The following OPCML variants were observed in gnomAD, a reference collection of about 807,000 sequenced individuals.
The protein encoded by OPCML is opioid binding protein/cell adhesion molecule like.
In OPCML, 13 loss-of-function variants were observed where a neutral mutation model predicts 37.8. The observed-to-expected ratio is 0.34, with a 90% CI of 0.22 to 0.55. The LOEUF (loss-of-function observed/expected upper bound fraction) is 0.55, where lower values mean the gene tolerates loss of function less well. OPCML is among the 20% of genes least tolerant of loss of function. OPCML has a pLI of 0.91. For synonymous variants in OPCML, 176 were observed against 168.8 expected (o/e 1.04, Z -0.33); for missense variants, 341 against 435.6 (o/e 0.78, Z 1.93).
chr11:133,117,216 T>C (rs1370794816), intron 1 of OPCML, among the ~76,000 whole-genome samples: 6 of 152,208 alleles, frequency 3.9e-5, no homozygotes, highest in Admixed American at 3.9e-4. Flanking sequence ...CACTTCTTTA[T>C]TTTGTGGACC....
intron 7 of OPCML, among the ~76,000 whole-genome samples, chr11:132,420,910 A>C (rs1015743731): frequency 4.6e-5 from 7 of 152,158 alleles, no homozygotes; most frequent in Non-Finnish European, 1.0e-4. Context: ...AAGGCCTTGA[A>C]GCAGATCAAC....
chr11:133,485,981 A>G (rs1251653472), intron 1 of OPCML, among the ~76,000 whole-genome samples: 1 of 152,156 alleles, frequency 6.6e-6, no homozygotes. Flanking sequence ...TATAGTATTC[A>G]TAAGTGCAAG....
intron 3 of OPCML, among the ~76,000 whole-genome samples, chr11:132,593,144 G>A (rs544044810): frequency 6.5e-4 from 99 of 152,328 alleles, no homozygotes; most frequent in African/African-American, 2.2e-3. Flanking sequence ...GGAAAACATG[G>A]CACTGGGCAG....
intron 3 of OPCML, among the ~76,000 whole-genome samples, chr11:132,591,540 C>G (rs1439070895): frequency 6.6e-6 from 1 of 152,170 alleles, no homozygotes; most frequent in Non-Finnish European, 1.5e-5. Context: ...GATCTAATCA[C>G]AGGATCAGGG....
chr11:132,757,644 T>G (rs185870320), intron 2 of OPCML, among the ~76,000 whole-genome samples: 17 of 151,444 alleles, frequency 1.1e-4, no homozygotes, highest in Admixed American at 4.0e-4. Flanking sequence ...TTTTTGATGT[T>G]GTTGTTTTTT....
intron 1 of OPCML, among the ~76,000 whole-genome samples, chr11:133,291,575 G>A (rs1942475777): frequency 6.6e-6 from 1 of 152,146 alleles, no homozygotes; most frequent in Admixed American, 6.5e-5. Context: ...TGCATGCTCT[G>A]TTCATTTTCT....
At chr11:132,518,308 T>A (rs977881564) in intron 4 of OPCML, among the ~76,000 whole-genome samples, 38 of 152,294 alleles carry the variant, frequency 2.5e-4, no homozygotes, top group Middle Eastern at 3.4e-3. Flanking sequence ...CACCCACTTA[T>A]GAGTGAGAAC....
At chr11:132,653,066 C>G (rs2135756597) in intron 3 of OPCML, among the ~76,000 whole-genome samples, 1 of 152,348 alleles carries the variant, frequency 6.6e-6, no homozygotes, top group East Asian at 1.9e-4. Flanking sequence ...TATGCCCTTT[C>G]TGGTGTTAGG....
At chr11:132,944,986 A>G (rs944935174) in intron 1 of OPCML, among the ~76,000 whole-genome samples, 1 of 152,248 alleles carries the variant, frequency 6.6e-6, no homozygotes, top group African/African-American at 2.4e-5. Context: ...TGAAGGATAC[A>G]AAGGCATACT....
At chr11:133,147,435 G>A (rs1265860338) in intron 1 of OPCML, among the ~76,000 whole-genome samples, 2 of 152,052 alleles carry the variant, frequency 1.3e-5, no homozygotes, top group Non-Finnish European at 2.9e-5. Flanking sequence ...GACAGGACAC[G>A]GAGAAAGCCC....
chr11:133,182,428 CA>C (rs1169655128), intron 1 of OPCML, among the ~76,000 whole-genome samples: 8 of 152,232 alleles, frequency 5.3e-5, no homozygotes, highest in African/African-American at 1.7e-4. Context: ...AATACCAAAC[CA>C]AGGCTAACAC....
At chr11:132,954,412 A>C in intron 1 of OPCML, among the ~76,000 whole-genome samples, 1 of 141,440 alleles carries the variant, frequency 7.1e-6, no homozygotes, top group Admixed American at 7.3e-5. Context: ...TCAAAGGAAA[A>C]GTTCACTTTT....
intron 2 of OPCML, among the ~76,000 whole-genome samples, chr11:132,802,718 C>T (rs1275158765): frequency 6.6e-6 from 1 of 152,062 alleles, no homozygotes; most frequent in African/African-American, 2.4e-5. Flanking sequence ...TCCTGAGTAC[C>T]AGAAAAGTGC....
intron 1 of OPCML, among the ~76,000 whole-genome samples, chr11:132,973,597 G>A (rs1301779322): frequency 1.3e-5 from 2 of 152,138 alleles, no homozygotes; most frequent in African/African-American, 4.8e-5. Context: ...TGTTTTCTCT[G>A]AGTCTACAGC....
intron 2 of OPCML, among the ~76,000 whole-genome samples, chr11:132,921,095 T>C (rs1944781312): frequency 6.6e-6 from 1 of 152,244 alleles, no homozygotes. Flanking sequence ...CTACCATGGC[T>C]GTTTTCTTTC....
chr11:132,469,153 G>C (rs2096127968), intron 4 of OPCML, among the ~76,000 whole-genome samples: 2 of 152,190 alleles, frequency 1.3e-5, no homozygotes, highest in Non-Finnish European at 2.9e-5. Flanking sequence ...ATCAATAAAA[G>C]ATGTAAGATA....
chr11:133,433,118 A>G (rs1946158602), intron 1 of OPCML, among the ~76,000 whole-genome samples: 1 of 152,020 alleles, frequency 6.6e-6, no homozygotes, highest in African/African-American at 2.4e-5. Context: ...TACGTTTCAT[A>G]TTTCTACGAA....
At chr11:132,850,953 T>G (rs952622135) in intron 2 of OPCML, among the ~76,000 whole-genome samples, 2 of 152,210 alleles carry the variant, frequency 1.3e-5, no homozygotes, top group Admixed American at 6.5e-5. Context: ...CAGAGGTTAT[T>G]CACTTGGGGC....
At chr11:133,243,520 G>A (rs530156409) in intron 1 of OPCML, among the ~76,000 whole-genome samples, 53 of 152,306 alleles carry the variant, frequency 3.5e-4, no homozygotes, top group Non-Finnish European at 5.4e-4. Context: ...GTGAGAAGGC[G>A]CTGCAGAGGG....
Sources: gnomAD v4.1 joint callset for allele counts (sites outside exome capture counted in the v4.1 genomes callset) on GRCh38, gnomAD v4.1.1 for gene constraint, MANE v1.5 for transcripts, NCBI Gene and HGNC (gene_info 2026-07-23, HGNC 2026-07-21) for gene names.